CDKL5: variants seen among roughly 807,000 people sequenced by gnomAD.
CDKL5 encodes the protein cyclin-dependent kinase-like 5.
Under a neutral mutation model 61.7 loss-of-function variants are expected in CDKL5, and 8 were observed. That is an observed-to-expected ratio of 0.13 (90% CI 0.08 to 0.23). The LOEUF is 0.23. Among genes scored for constraint, CDKL5 ranks in the 10% least tolerant of loss-of-function variants. CDKL5 has a pLI of 1.00. For missense variants in CDKL5, 440 were observed against 734.5 expected, an observed-to-expected ratio of 0.60 and a Z score of 4.63; for synonymous variants, 275 against 272.3, an observed-to-expected ratio of 1.01 and a Z score of -0.10.
chrX:18,521,616 C>T (rs866640824), intron 3 of CDKL5, among the ~76,000 whole-genome samples: 1 of 111,899 alleles, frequency 8.9e-6, no homozygotes, highest in South Asian at 3.7e-4. Flanking sequence ...GGTTTATTTG[C>T]GTAGTGGATG....
intron 1 of CDKL5, among the ~76,000 whole-genome samples, chrX:18,435,079 TACTG>T (rs1931581916): frequency 1.8e-5 from 2 of 111,892 alleles, no homozygotes; most frequent in Non-Finnish European, 1.9e-5. Context: ...AAGAACAACT[TACTG>T]ACCCGGATTT....
At chrX:18,530,497 T>C (rs1398086534) in intron 3 of CDKL5, among the ~76,000 whole-genome samples, 1 of 111,721 alleles carries the variant, frequency 9.0e-6, no homozygotes, top group Admixed American at 9.5e-5. Flanking sequence ...TTACAGTGAT[T>C]TTGATTTCTA....
At chrX:18,605,464 G>A (rs1268131533) in intron 12 of CDKL5, among the ~76,000 whole-genome samples, 2 of 111,385 alleles carry the variant, frequency 1.8e-5, no homozygotes, top group Non-Finnish European at 3.8e-5. Context: ...TCAAACTCTA[G>A]AACTGACCTA....
intron 1 of CDKL5, among the ~76,000 whole-genome samples, chrX:18,473,874 G>C (rs992819198): frequency 6.5e-5 from 7 of 107,953 alleles, no homozygotes; most frequent in African/African-American, 2.4e-4. Flanking sequence ...TGTATGAAAA[G>C]TAGGCCATCA....
At position 18,604,040 on chromosome X, in the gene CDKL5, T is replaced by C. The variant is rs148302590; in HGVS notation, c.1116T>C (p.Ala372=). 1 of 1,211,663 alleles carries C rather than the reference T, an allele frequency of 8.3e-7. No homozygotes were observed. The highest frequency in any genetic ancestry group is 2.3e-4 in the Middle Eastern group (1 of 4,355). The change falls in exon 12 of 18, where the codon GCT becomes GCC. Residue 372 remains alanine (A), a synonymous_variant. Coordinates refer to ENST00000623535, the MANE Select transcript of CDKL5 (RefSeq NM_001323289.2). Reference sequence around the variant, plus strand: ...AAAGCTTCCTAAATGGAAACCTTGCTGGAGCTAGTCTTAGTCCACTGCACA... The same window carrying C: ...AAAGCTTCCTAAATGGAAACCTTGCCGGAGCTAGTCTTAGTCCACTGCACA... The part of the protein sequence containing the change: ...ANESFLNGNL[A]GASLSPLHTK...
At chrX:18,568,589 G>A (rs888369612) in intron 4 of CDKL5, among the ~76,000 whole-genome samples, 6 of 112,297 alleles carry the variant, frequency 5.3e-5, no homozygotes, top group Admixed American at 1.9e-4. Context: ...CTAGGCCAAT[G>A]AATAGCTTCT....
chrX:18,432,405 C>G (rs1314310049), intron 1 of CDKL5, among the ~76,000 whole-genome samples: 1 of 108,640 alleles, frequency 9.2e-6, no homozygotes, highest in Non-Finnish European at 1.9e-5. Context: ...GCCCACCTGG[C>G]TAATTTTTGT....
intron 20 of CDKL5, among the ~76,000 whole-genome samples, chrX:18,647,003 G>A (rs1047263683): frequency 2.8e-5 from 3 of 107,505 alleles, no homozygotes; most frequent in Non-Finnish European, 5.8e-5. Flanking sequence ...TGTAACCTCC[G>A]CTTCCCAGGT....
At chrX:18,443,136 C>T (rs142704547) in intron 1 of CDKL5, among the ~76,000 whole-genome samples, 1,453 of 111,626 alleles carry the variant, frequency 0.013, 22 homozygotes, top group African/African-American at 0.045. Context: ...CCATTTCTTC[C>T]TTCTTGGTTC....
Position 18,601,981 on chromosome X carries a change from C to G in CDKL5, c.978-1921C>G, listed in dbSNP as rs146184527. 3.5e-3 allele frequency among the ~76,000 whole-genome samples: 387 copies of G among 111,676 alleles called. 3 individuals carry two copies. Among genetic ancestry groups the G allele is most frequent in the Non-Finnish European group, 6.3e-3 (337 of 53,114 alleles). On this transcript the variant is annotated intron_variant, in intron 11 of 17. Coordinates refer to ENST00000623535, the MANE Select transcript of CDKL5 (RefSeq NM_001323289.2). The stretch of plus-strand genomic sequence containing the variant: ...TCTGAGAGTCCAGGGAGAGCTGGAC[C>G]TGGGTAGGAAGAGCCACCCTGTAGA...
chrX:18,587,866 G>A, intron 8 of CDKL5, 88 bp from the exon 9 acceptor site: 2 of 846,127 alleles, frequency 2.4e-6, no homozygotes, highest in Non-Finnish European at 3.5e-6. Context: ...CAAGTGTGCT[G>A]CACATAAATT....
chrX:18,527,772 T>A (rs1367074964), intron 3 of CDKL5, among the ~76,000 whole-genome samples: 1 of 111,910 alleles, frequency 8.9e-6, no homozygotes, highest in Non-Finnish European at 1.9e-5. Flanking sequence ...TTGCCCTTCT[T>A]TCTTTTCTTT....
chrX:18,456,767 C>G (rs981688735), intron 1 of CDKL5, among the ~76,000 whole-genome samples: 3 of 111,773 alleles, frequency 2.7e-5, no homozygotes, highest in Non-Finnish European at 5.6e-5. Context: ...TCAAATACAC[C>G]TAGTCTTCCT....
chrX:18,603,025 G>T (rs779484377), intron 11 of CDKL5, among the ~76,000 whole-genome samples: 21 of 112,075 alleles, frequency 1.9e-4, no homozygotes, highest in Non-Finnish European at 3.4e-4. Flanking sequence ...TCAAATAGAG[G>T]ACAAGATTTT....
At chrX:18,535,563 G>A (rs1923794381) in intron 3 of CDKL5, 1 of 112,666 alleles carries the variant, frequency 8.9e-6, no homozygotes, top group Non-Finnish European at 1.9e-5. Context: ...CTCTGTTTGA[G>A]GTGGCCTTCC....
chrX:18,455,713 A>G (rs1932125828), intron 1 of CDKL5, among the ~76,000 whole-genome samples: 1 of 112,889 alleles, frequency 8.9e-6, no homozygotes, highest in Non-Finnish European at 1.9e-5. Flanking sequence ...TATGTAACAG[A>G]AGATAATCGT....
chrX:18,646,919 A>AT (rs1279853219), intron 20 of CDKL5, among the ~76,000 whole-genome samples: 1 of 109,471 alleles, frequency 9.1e-6, no homozygotes, highest in African/African-American at 3.3e-5. Flanking sequence ...AGAGGCCTAT[A>AT]TTTTTTTTCA....
At position 18,572,541 on chromosome X, in the gene CDKL5, G is replaced by A. The variant is rs141704525; in HGVS notation, c.146-2813G>A. 4.5e-3 allele frequency among the ~76,000 whole-genome samples: 499 copies of A among 111,859 alleles called. 4 individuals are homozygous for A. Among genetic ancestry groups the A allele is most frequent in the African/African-American group, 0.014 (429 of 30,769 alleles). ...CCTCCATCATTTCTAATCACATACT[G>A]TAGAAGACACCTAGGGACAGAGGTG... On this transcript the variant is annotated intron_variant, in intron 4 of 17. Coordinates refer to ENST00000623535, the MANE Select transcript of CDKL5 (RefSeq NM_001323289.2).
At chrX:18,460,894 C>T (rs1228178402) in intron 1 of CDKL5, among the ~76,000 whole-genome samples, 2 of 111,907 alleles carry the variant, frequency 1.8e-5, no homozygotes, top group African/African-American at 6.5e-5. Context: ...ATGAAATTTT[C>T]CATGTTCCCA....
Sources: allele counts gnomAD v4.1 joint callset (sites outside exome capture counted in the v4.1 genomes callset), GRCh38; gene constraint gnomAD v4.1.1; transcripts MANE v1.5; gene names NCBI Gene and HGNC (gene_info 2026-07-23, HGNC 2026-07-21).